Variants in BCAR3 observed in about 807,000 individuals in gnomAD.
BCAR3 encodes BCAR3 adaptor protein, NSP family member, also known as breast cancer anti-estrogen resistance protein 3.
BCAR3 carries 37 observed loss-of-function variants against 80.1 expected under a neutral mutation model. That is an observed-to-expected ratio of 0.46 (90% CI 0.36 to 0.61). The LOEUF (loss-of-function observed/expected upper bound fraction) is 0.61, where lower values mean the gene tolerates loss of function less well. Among genes scored for constraint, BCAR3 ranks in the 20% least tolerant of loss-of-function variants. The pLI is 0.00. For synonymous variants in BCAR3, 389 were observed against 418.9 expected (o/e 0.93, Z 0.87); for missense variants, 978 against 1,068.2 (o/e 0.92, Z 1.18).
intron 3 of BCAR3, among the ~76,000 whole-genome samples, chr1:93,705,332 G>A (rs976072463): frequency 4.6e-5 from 7 of 152,098 alleles, no homozygotes; most frequent in African/African-American, 1.7e-4. Context: ...TATGTGTTCC[G>A]GGCTCCCTTG....
chr1:93,696,544 T>C (rs1185364158), intron 3 of BCAR3, among the ~76,000 whole-genome samples: 1 of 152,104 alleles, frequency 6.6e-6, no homozygotes, highest in East Asian at 1.9e-4. Flanking sequence ...TCTCCATTGC[T>C]TCCCAGCTGG....
chr1:93,833,854 T>G (rs530432896), intron 2 of BCAR3, among the ~76,000 whole-genome samples: 1 of 152,286 alleles, frequency 6.6e-6, no homozygotes, highest in South Asian at 2.1e-4. Flanking sequence ...CCTCAGCTTA[T>G]GAAGATGACA....
chr1:93,784,821 G>A (rs1184082464), intron 2 of BCAR3, among the ~76,000 whole-genome samples: 1 of 152,218 alleles, frequency 6.6e-6, no homozygotes, highest in Admixed American at 6.5e-5. Context: ...CTTCCAGAGA[G>A]GAGGTCTTTG....
At chr1:93,595,848 A>G (rs236334) in intron 3 of BCAR3, among the ~76,000 whole-genome samples, 3,838 of 152,330 alleles carry the variant, frequency 0.025, 162 homozygotes, top group African/African-American at 0.086. Context: ...CTGGTCATGC[A>G]TGTCTGCAAC....
At chr1:93,839,289 A>G (rs929278317) in intron 2 of BCAR3, among the ~76,000 whole-genome samples, 1 of 152,242 alleles carries the variant, frequency 6.6e-6, no homozygotes, top group Non-Finnish European at 1.5e-5. Flanking sequence ...CTCAGTCTAA[A>G]AGAAAATAAA....
At chr1:93,657,467 G>T (rs566060129) in intron 2 of BCAR3, among the ~76,000 whole-genome samples, 3 of 152,028 alleles carry the variant, frequency 2.0e-5, no homozygotes, top group African/African-American at 7.2e-5. Flanking sequence ...AACAGACAAA[G>T]TCAGTAAAAG....
In BCAR3 at chr1:93,826,320, C is replaced by T. The variant is rs746251344; in HGVS notation, c.-63+19247G>A. Among the ~76,000 whole-genome samples the T allele has an allele frequency of 7.5e-4, 114 of 152,266 alleles. No individual in the cohort carries two copies. The Middle Eastern group carries it at 0.01, about 14-fold the overall frequency. On this transcript the variant is annotated intron_variant, in intron 2 of 13. Coordinates refer to the BCAR3 transcript ENST00000370244. ...GTCTCTTCTGCCTGAGCTGCACTTT[C>T]CTCTCCTCTTCACTTTACTCATTCC...
At chr1:93,801,752 G>C (rs3000471) in intron 2 of BCAR3, among the ~76,000 whole-genome samples, 43,643 of 152,170 alleles carry the variant, frequency 0.29, 7,240 homozygotes, top group East Asian at 0.53. Flanking sequence ...TTGAGGCCAA[G>C]AGTTAGAGAC....
intron 2 of BCAR3, among the ~76,000 whole-genome samples, chr1:93,764,432 A>G (rs1444430001): frequency 6.6e-6 from 1 of 152,010 alleles, no homozygotes; most frequent in Non-Finnish European, 1.5e-5. Flanking sequence ...GAACATGGGC[A>G]TGATCTGAGA....
At chr1:93,736,332 C>G (rs74486523) in intron 2 of BCAR3, among the ~76,000 whole-genome samples, 1 of 152,174 alleles carries the variant, frequency 6.6e-6, no homozygotes, top group East Asian at 1.9e-4. Flanking sequence ...GGATTACAAG[C>G]GCGTGCCACT....
At chr1:93,647,707 T>A (rs2101915793) in intron 2 of BCAR3, among the ~76,000 whole-genome samples, 1 of 152,264 alleles carries the variant, frequency 6.6e-6, no homozygotes, top group East Asian at 1.9e-4. Context: ...CGCTCTCACG[T>A]ATAAGGTAGC....
At chr1:93,774,518 T>C (rs944741882) in intron 2 of BCAR3, among the ~76,000 whole-genome samples, 2 of 150,732 alleles carry the variant, frequency 1.3e-5, no homozygotes, top group East Asian at 1.9e-4. Context: ...AACCAAACTA[T>C]GTACATTTTG....
At chr1:93,718,688 CTTTTTTT>C (rs71094259) in intron 2 of BCAR3, among the ~76,000 whole-genome samples, 34 of 77,052 alleles carry the variant, frequency 4.4e-4, no homozygotes, top group South Asian at 1.6e-3. Context: ...CATTGTTTTT[CTTTTTTT>C]TTTTTTTTTT....
chr1:93,799,872 G>T (rs1279461525), intron 2 of BCAR3, among the ~76,000 whole-genome samples: 1 of 152,182 alleles, frequency 6.6e-6, no homozygotes, highest in African/African-American at 2.4e-5. Context: ...GGACCTACTG[G>T]TATGCTAATA....
At chr1:93,719,334 GTTTT>G (rs1217381018) in intron 2 of BCAR3, among the ~76,000 whole-genome samples, 1 of 73,206 alleles carries the variant, frequency 1.4e-5, no homozygotes, top group Non-Finnish European at 2.4e-5. Context: ...AAACTTTCTT[GTTTT>G]TTTTTTTTTT....
intron 10 of BCAR3, 80 bp downstream of exon 10, chr1:93,567,660 G>A: frequency 6.9e-7 from 1 of 1,450,838 alleles, no homozygotes; most frequent in African/African-American, 1.4e-5. Flanking sequence ...AGATAACTCA[G>A]GGCCTCATAA....
chr1:93,664,911 C>T (rs558596295), intron 2 of BCAR3, among the ~76,000 whole-genome samples: 1 of 152,254 alleles, frequency 6.6e-6, no homozygotes, highest in East Asian at 1.9e-4. Flanking sequence ...CCTCCAATCC[C>T]ACCAGTCCCA....
intron 3 of BCAR3, among the ~76,000 whole-genome samples, chr1:93,609,937 G>A (rs1393169684): frequency 6.6e-6 from 1 of 152,220 alleles, no homozygotes; most frequent in Admixed American, 6.5e-5. Flanking sequence ...TCTATGCCAG[G>A]CATGTGCCTC....
At chr1:93,573,831 T>C (rs1352942211) in intron 8 of BCAR3, among the ~76,000 whole-genome samples, 1 of 151,988 alleles carries the variant, frequency 6.6e-6, no homozygotes, top group Non-Finnish European at 1.5e-5. Context: ...GGTTTTGCCA[T>C]GTTGCCCAGC....
Sources: gnomAD v4.1 joint callset for allele counts (sites outside exome capture counted in the v4.1 genomes callset) on GRCh38, gnomAD v4.1.1 for gene constraint, MANE v1.5 for transcripts, NCBI Gene and HGNC (gene_info 2026-07-23, HGNC 2026-07-21) for gene names.